Variants in DYNC1I1 observed in about 807,000 individuals in gnomAD.
The protein encoded by DYNC1I1 is cytoplasmic dynein 1 intermediate chain 1.
In DYNC1I1, 43 loss-of-function variants were observed where a neutral mutation model predicts 86.6. The ratio of observed to expected loss-of-function variants is 0.50; its 90% CI spans 0.39 to 0.64. The LOEUF is 0.64. Among genes scored for constraint, DYNC1I1 ranks in the 30% least tolerant of loss-of-function variants. DYNC1I1 has a pLI of 0.00. For missense variants in DYNC1I1, 604 were observed against 788.8 expected (o/e 0.77, Z 2.81); for synonymous variants, 262 against 283.7 (o/e 0.92, Z 0.77).
chr7:96,079,946 G>A (rs1239706997), intron 15 of DYNC1I1, among the ~76,000 whole-genome samples: 2 of 151,978 alleles, frequency 1.3e-5, no homozygotes, highest in African/African-American at 4.8e-5. Flanking sequence ...CCATACACCT[G>A]CTTTCTGCCT....
intron 6 of DYNC1I1, among the ~76,000 whole-genome samples, chr7:95,888,358 G>A (rs888622813): frequency 2.0e-5 from 3 of 152,144 alleles, no homozygotes; most frequent in Non-Finnish European, 4.4e-5. Context: ...GATCGCTTGA[G>A]CCCAGGAGGT....
At chr7:95,784,029 A>G (rs1420292505) in intron 1 of DYNC1I1, among the ~76,000 whole-genome samples, 4 of 152,160 alleles carry the variant, frequency 2.6e-5, no homozygotes, top group Non-Finnish European at 5.9e-5. Flanking sequence ...CCTGAAATGT[A>G]CCACGTCTTG....
rs561958179 is a variant in DYNC1I1 at position 95,835,566 on chromosome 7, G to A, written c.374+7450G>A. ...CTCATTGATCTGTCTAATGTTGACA[G>A]TGGGGTGTTAAAGTCTCCCATTATT... On this transcript the variant is annotated intron_variant, in intron 5 of 16. Coordinates refer to ENST00000447467, the MANE Select transcript of DYNC1I1 (RefSeq NM_001135556.2). Among the ~76,000 whole-genome samples, 764 of 151,530 alleles carry A rather than the reference G, an allele frequency of 5.0e-3. 5 individuals are homozygous for A. Among genetic ancestry groups the A allele is most frequent in the African/African-American group, 0.018 (735 of 41,370 alleles).
At chr7:95,913,253 T>C (rs934574177) in intron 6 of DYNC1I1, among the ~76,000 whole-genome samples, 1 of 152,194 alleles carries the variant, frequency 6.6e-6, no homozygotes, top group Non-Finnish European at 1.5e-5. Flanking sequence ...TTTCATAAAC[T>C]GATCCTTGCT....
chr7:95,968,693 G>T (rs939747594), intron 6 of DYNC1I1, among the ~76,000 whole-genome samples: 1 of 152,188 alleles, frequency 6.6e-6, no homozygotes. Context: ...GAAAGCAGAA[G>T]AATAGAGAAT....
In DYNC1I1 at chr7:96,095,692, A is replaced by G. The variant is rs559371112; in HGVS notation, c.1777-1791A>G. 5.3e-5 allele frequency among the ~76,000 whole-genome samples: 8 copies of G among 152,220 alleles called. No individual in the cohort carries two copies. In the South Asian group the frequency reaches 1.5e-3, roughly 28 times the overall value. Reference sequence around the variant, plus strand: ...TGGAAAGGCTTGCTCAGCGGTTGGAAGAAGGAAAAGAAATAGTGGTCCTAT... The same window carrying G: ...TGGAAAGGCTTGCTCAGCGGTTGGAGGAAGGAAAAGAAATAGTGGTCCTAT... On this transcript the variant is annotated intron_variant, in intron 16 of 16. Coordinates refer to ENST00000447467, the MANE Select transcript of DYNC1I1 (RefSeq NM_001135556.2).
intron 13 of DYNC1I1, 23 bp from the exon 14 acceptor site, chr7:96,039,254 G>C (rs745379525): frequency 1.2e-6 from 2 of 1,602,796 alleles, no homozygotes; most frequent in African/African-American, 2.7e-5. Context: ...CTGGAATTCT[G>C]CTCATGTGTG....
chr7:95,918,113 G>T (rs908380424), intron 6 of DYNC1I1, among the ~76,000 whole-genome samples: 2 of 152,178 alleles, frequency 1.3e-5, no homozygotes, highest in Non-Finnish European at 2.9e-5. Context: ...GCCTTCAGGA[G>T]GTCAGCTGAC....
chr7:95,783,385 A>G (rs1266371757), intron 1 of DYNC1I1, among the ~76,000 whole-genome samples: 1 of 152,208 alleles, frequency 6.6e-6, no homozygotes, highest in Non-Finnish European at 1.5e-5. Context: ...ATGGAATGCC[A>G]GCCATGAGTG....
rs1456898053 is a variant in DYNC1I1 at position 95,856,745 on chromosome 7, C to G, written c.375-13138C>G. Among the ~76,000 whole-genome samples, 3 of 152,096 alleles carry G rather than the reference C, an allele frequency of 2.0e-5. No homozygotes were observed. The East Asian group carries it at 5.8e-4, about 29-fold the overall frequency. On this transcript the variant is annotated intron_variant, in intron 5 of 16. Transcript: ENST00000447467. ...CCTGTAATCCCAGCACTTTGGGAGG[C>G]TGAGGCAGGTGGATCACGAGGTCAG...
intron 11 of DYNC1I1, among the ~76,000 whole-genome samples, chr7:96,031,920 A>T (rs1203438527): frequency 6.6e-6 from 1 of 152,172 alleles, no homozygotes; most frequent in Non-Finnish European, 1.5e-5. Flanking sequence ...GCAGAGTGGG[A>T]TAACCCACTA....
rs142486587 is a variant in DYNC1I1 at position 95,957,454 on chromosome 7, CCTG to C, written c.491-20042_491-20040del. 5.9e-5 allele frequency among the ~76,000 whole-genome samples: 9 copies of C among 152,094 alleles called. No homozygotes were observed. In the South Asian group the frequency reaches 1.0e-3, roughly 18 times the overall value. On this transcript the variant is annotated intron_variant, in intron 6 of 16. Transcript: ENST00000447467. ...AAGATCTTTATCCCCTCCTCCTCCT[CCTG>C]CTGCTGCTGCTGCTGTTTGCTCATC...
chr7:95,950,084 G>C (rs1332751371), intron 6 of DYNC1I1, among the ~76,000 whole-genome samples: 1 of 151,040 alleles, frequency 6.6e-6, no homozygotes, highest in East Asian at 1.9e-4. Flanking sequence ...TTCCTTACTT[G>C]GTAAATATTT....
chr7:95,987,670 C>T (rs1448592432), intron 9 of DYNC1I1, among the ~76,000 whole-genome samples: 2 of 152,148 alleles, frequency 1.3e-5, no homozygotes, highest in Non-Finnish European at 2.9e-5. Flanking sequence ...AGATCTCTTC[C>T]ACTGCTAAGG....
intron 6 of DYNC1I1, among the ~76,000 whole-genome samples, chr7:95,923,624 A>C (rs1192008930): frequency 6.6e-6 from 1 of 152,122 alleles, no homozygotes; most frequent in Non-Finnish European, 1.5e-5. Context: ...GTACTCAAAC[A>C]ATCATTTTTG....
At chr7:95,962,737 C>T (rs1792904454) in intron 6 of DYNC1I1, among the ~76,000 whole-genome samples, 1 of 152,082 alleles carries the variant, frequency 6.6e-6, no homozygotes, top group Admixed American at 6.6e-5. Context: ...TGTTTACATG[C>T]CACATAACAA....
intron 10 of DYNC1I1, among the ~76,000 whole-genome samples, chr7:96,016,602 A>AT (rs936601006): frequency 6.6e-6 from 1 of 152,170 alleles, no homozygotes; most frequent in African/African-American, 2.4e-5. Context: ...TGGTTAGCTT[A>AT]TTTTTTTGTA....
chr7:96,034,106 C>G (rs1177840506), intron 12 of DYNC1I1, among the ~76,000 whole-genome samples: 1 of 151,948 alleles, frequency 6.6e-6, no homozygotes, highest in Admixed American at 6.6e-5. Flanking sequence ...CTTTAAGCCT[C>G]CACAAAATAC....
intron 5 of DYNC1I1, among the ~76,000 whole-genome samples, chr7:95,837,106 C>T (rs1322500635): frequency 6.7e-6 from 1 of 149,810 alleles, no homozygotes; most frequent in East Asian, 2.0e-4. Context: ...GTTTTATCTA[C>T]TTTTGGTCTT....
Sources: gnomAD v4.1 joint callset for allele counts (sites outside exome capture counted in the v4.1 genomes callset) on GRCh38, gnomAD v4.1.1 for gene constraint, MANE v1.5 for transcripts, NCBI Gene and HGNC (gene_info 2026-07-23, HGNC 2026-07-21) for gene names.